BRINP3: variants seen among roughly 807,000 people sequenced by gnomAD.
The protein encoded by BRINP3 is BMP/retinoic acid-inducible neural-specific protein 3.
In BRINP3, 19 loss-of-function variants were observed where a neutral mutation model predicts 71.0. The observed-to-expected ratio is 0.27, with a 90% CI of 0.19 to 0.39. The LOEUF (loss-of-function observed/expected upper bound fraction) is 0.39, where lower values mean the gene tolerates loss of function less well. Ranked by LOEUF, BRINP3 falls within the 10% of genes least tolerant of loss-of-function variation. The pLI is 1.00. For synonymous variants in BRINP3, 380 were observed against 337.7 expected (o/e 1.13, Z -1.37); for missense variants, 959 against 940.8 (o/e 1.02, Z -0.25).
At chr1:190,438,531 G>T (rs1674617376) in intron 2 of BRINP3, among the ~76,000 whole-genome samples, 1 of 151,814 alleles carries the variant, frequency 6.6e-6, no homozygotes, top group Admixed American at 6.6e-5. Flanking sequence ...CCATCATGAA[G>T]CTTGACTTGT....
At chr1:190,315,690 A>G (rs538506613) in intron 2 of BRINP3, among the ~76,000 whole-genome samples, 1 of 152,138 alleles carries the variant, frequency 6.6e-6, no homozygotes, top group Admixed American at 6.6e-5. Flanking sequence ...GAATTGATGG[A>G]CATAACTCTG....
chr1:190,230,111 G>A (rs113285766), intron 5 of BRINP3, among the ~76,000 whole-genome samples: 5 of 151,760 alleles, frequency 3.3e-5, no homozygotes, highest in African/African-American at 9.7e-5. Context: ...AGAAGAATAC[G>A]TTTAAAAGGA....
Position 190,454,760 on chromosome 1 carries a change from A to C in BRINP3, c.131T>G (p.Phe44Cys). The C allele has an allele frequency of 3.7e-6, 6 of 1,614,172 alleles. No individual in the cohort carries two copies. The highest frequency in any genetic ancestry group is 5.1e-6 in the Non-Finnish European group (6 of 1,180,046). Residue 44 changes from phenylalanine (F) to cysteine (C), a missense_variant, in exon 2 of 8, where the codon TTC (phenylalanine) becomes TGC (cysteine). By Grantham distance (205) the Phe-to-Cys change is radical (BLOSUM62 -2). Coordinates refer to ENST00000367462, the MANE Select transcript of BRINP3 (RefSeq NM_199051.3). ...TCCCTTATCAGAGAGGAGCCAGTCGAAGGGGCTTGTGGCATGCTGATCCGA... is the reference window on the plus strand; with the variant it reads ...TCCCTTATCAGAGAGGAGCCAGTCGCAGGGGCTTGTGGCATGCTGATCCGA... The part of the protein sequence containing the change: ...AVSDQHATSP[F>C]DWLLSDKGPF...
At chr1:190,425,172 T>C (rs1046009226) in intron 2 of BRINP3, among the ~76,000 whole-genome samples, 2 of 151,620 alleles carry the variant, frequency 1.3e-5, no homozygotes, top group African/African-American at 4.8e-5. Flanking sequence ...AAGGTGATAT[T>C]TTGGAGAACA....
In BRINP3 at chr1:190,266,388, A is replaced by G. The variant is rs190110424; in HGVS notation, c.428-1333T>C. On this transcript the variant is annotated intron_variant, in intron 3 of 7. Coordinates refer to ENST00000367462, the MANE Select transcript of BRINP3 (RefSeq NM_199051.3). ...TTCTCTCAGAAATAGATTTCAACAA[A>G]TATTATTTCTAAAACTCACATTTCT... 2.5e-4 allele frequency among the ~76,000 whole-genome samples: 38 copies of G among 152,292 alleles called. No individual in the cohort carries two copies. In the East Asian group the frequency reaches 6.2e-3, roughly 25 times the overall value.
intron 2 of BRINP3, among the ~76,000 whole-genome samples, chr1:190,309,457 G>T (rs768672696): frequency 6.6e-6 from 1 of 151,706 alleles, no homozygotes; most frequent in South Asian, 2.1e-4. Flanking sequence ...TTTATGATAC[G>T]TCTATTTTAC....
intron 7 of BRINP3, among the ~76,000 whole-genome samples, chr1:190,153,799 C>T (rs936792049): frequency 2.6e-5 from 4 of 152,032 alleles, no homozygotes; most frequent in Non-Finnish European, 5.9e-5. Flanking sequence ...ATGTCAAGGC[C>T]ACAGTGAGCT....
At chr1:190,404,641 C>T (rs979276613) in intron 2 of BRINP3, among the ~76,000 whole-genome samples, 2 of 152,132 alleles carry the variant, frequency 1.3e-5, no homozygotes, top group Non-Finnish European at 2.9e-5. Context: ...CTCTTTCATA[C>T]GCATTATGTC....
intron 7 of BRINP3, among the ~76,000 whole-genome samples, chr1:190,108,100 C>CA: frequency 6.8e-6 from 1 of 148,050 alleles, no homozygotes; most frequent in South Asian, 2.2e-4. Flanking sequence ...CAAAACAAAA[C>CA]AAAAAACACC....
intron 2 of BRINP3, among the ~76,000 whole-genome samples, chr1:190,330,508 A>T (rs1028311477): frequency 2.6e-5 from 4 of 152,068 alleles, no homozygotes; most frequent in Admixed American, 1.3e-4. Context: ...GTGAAGAAAG[A>T]GGAATACTTA....
rs531841612 is a variant in BRINP3, at chr1:190,417,289, A to G, written c.236+37366T>C. The stretch of plus-strand genomic sequence containing the variant: ...TAAAAGAAGGCAGAGAAATAAAATT[A>G]TATCATTGGACTTCATTCTCCTTGA... On this transcript the variant is annotated intron_variant, in intron 2 of 7. Transcript: ENST00000367462. Among the ~76,000 whole-genome samples the G allele has an allele frequency of 2.0e-5, 3 of 152,292 alleles. No individual in the cohort carries two copies. The South Asian group carries it at 6.2e-4, about 32-fold the overall frequency.
chr1:190,097,960 T>C lies in BRINP3; in HGVS notation c.*58A>G. On this transcript the variant is annotated 3_prime_UTR_variant, in exon 8 of 8. Transcript: ENST00000367462. ...ATTTACTCTTCCAAACATAAACTGT[T>C]CCACAAAAGCACTGTAAAAACTCCT... 1 of 1,498,178 alleles carries C rather than the reference T, an allele frequency of 6.7e-7. No homozygotes were observed. Among genetic ancestry groups the C allele is most frequent in the South Asian group, 1.3e-5 (1 of 76,108 alleles). The allele number at this position is 1,498,178 out of a possible 1,614,324, so 92.8% of individuals were successfully genotyped here. A position where few individuals can be genotyped will look rare whatever the true frequency, so the allele number is the denominator to read the frequency against.
At chr1:190,298,120 G>A (rs1664393584) in intron 2 of BRINP3, among the ~76,000 whole-genome samples, 1 of 151,916 alleles carries the variant, frequency 6.6e-6, no homozygotes, top group South Asian at 2.1e-4. Context: ...TAAGTGTATA[G>A]AGTTTTCACG....
At chr1:190,117,971 T>C (rs1387473925) in intron 7 of BRINP3, among the ~76,000 whole-genome samples, 1 of 152,092 alleles carries the variant, frequency 6.6e-6, no homozygotes, top group Non-Finnish European at 1.5e-5. Context: ...TAACTTGTTC[T>C]TACCTCCTTA....
chr1:190,219,398 C>T (rs565373939), intron 6 of BRINP3, among the ~76,000 whole-genome samples: 18 of 151,924 alleles, frequency 1.2e-4, no homozygotes, highest in Non-Finnish European at 2.4e-4. Flanking sequence ...AGAAATTTAA[C>T]AAAGATATTA....
intron 7 of BRINP3, among the ~76,000 whole-genome samples, chr1:190,141,968 A>T (rs138534873): frequency 1.3e-5 from 2 of 152,296 alleles, no homozygotes; most frequent in East Asian, 3.9e-4. Context: ...AAAAATATGA[A>T]TAAAAGTTTA....
chr1:190,477,493 C>T lies in BRINP3; in HGVS notation c.-96G>A, dbSNP rs1369568531. 6.6e-6 allele frequency: 1 copy of T among 152,012 alleles called. No homozygotes were observed. The highest frequency in any genetic ancestry group is 2.4e-5 in the African/African-American group (1 of 41,380). The allele number at this position is 152,012 out of a possible 1,614,324, so 9.4% of individuals were successfully genotyped here. A position where few individuals can be genotyped will look rare whatever the true frequency, so the allele number is the denominator to read the frequency against. ...AAGAAGACTGTGAGAAAAATACATCCAGGATTCAAATAGATATTCCATGAT... is the reference window on the plus strand; with the variant it reads ...AAGAAGACTGTGAGAAAAATACATCTAGGATTCAAATAGATATTCCATGAT... On this transcript the variant is annotated 5_prime_UTR_variant, in exon 1 of 8. The change creates a premature stop within an existing upstream ORF in the 5' untranslated region. Coordinates refer to ENST00000367462, the MANE Select transcript of BRINP3 (RefSeq NM_199051.3).
At chr1:190,448,601 T>G (rs994115689) in intron 2 of BRINP3, among the ~76,000 whole-genome samples, 1 of 151,736 alleles carries the variant, frequency 6.6e-6, no homozygotes, top group African/African-American at 2.4e-5. Context: ...ATTCATTGTA[T>G]AGTGATATAT....
Position 190,281,700 on chromosome 1 carries a change from A to C in BRINP3, c.287T>G (p.Phe96Cys), listed in dbSNP as rs1485792216. The C allele has an allele frequency of 6.2e-7, 1 of 1,612,792 alleles. No individual in the cohort carries two copies. Among genetic ancestry groups the C allele is most frequent in the Non-Finnish European group, 8.5e-7 (1 of 1,179,276 alleles). Residue 96 changes from phenylalanine (F) to cysteine (C), a missense_variant, in exon 3 of 8, where the codon TTC (phenylalanine) becomes TGC (cysteine). Phe to Cys is a radical substitution (Grantham distance 205). Coordinates refer to ENST00000367462, the MANE Select transcript of BRINP3 (RefSeq NM_199051.3). ...VNNLAVERRN[F>C]LGSPLPLAPE... Reference sequence around the variant, plus strand: ...GGCAAGAGGCAGAGGAGAGCCAAGGAAATTTCTTCTCTCAACTGCAAGGTT... The same window carrying C: ...GGCAAGAGGCAGAGGAGAGCCAAGGCAATTTCTTCTCTCAACTGCAAGGTT...
Sources: allele counts gnomAD v4.1 joint callset (sites outside exome capture counted in the v4.1 genomes callset), GRCh38; gene constraint gnomAD v4.1.1; transcripts MANE v1.5; gene names NCBI Gene and HGNC (gene_info 2026-07-23, HGNC 2026-07-21).